The following TOP3A variants were observed in gnomAD, a reference collection of about 807,000 sequenced individuals.
TOP3A encodes DNA topoisomerase 3-alpha.
TOP3A carries 64 observed loss-of-function variants against 111.3 expected under a neutral mutation model. The ratio of observed to expected loss-of-function variants is 0.57; its 90% CI spans 0.47 to 0.71. The LOEUF (loss-of-function observed/expected upper bound fraction) is 0.71, where lower values mean the gene tolerates loss of function less well. Among genes scored for constraint, TOP3A ranks in the 30% least tolerant of loss-of-function variants. The pLI, the probability that TOP3A is intolerant of heterozygous loss-of-function variation, is 0.00. For missense variants in TOP3A, 1,104 were observed against 1,285.0 expected (o/e 0.86, Z 2.15); for synonymous variants, 484 against 485.1 (o/e 1.00, Z 0.03).
intron 4 of TOP3A, 123 bp downstream of exon 4, chr17:18,306,768 A>T (rs1981602822): frequency 8.5e-6 from 6 of 703,454 alleles, no homozygotes; most frequent in Non-Finnish European, 1.4e-5. Context: ...CAGCTTTTTA[A>T]ATCATGGTAG....
chr17:18,277,993 T>G lies in TOP3A; in HGVS notation c.2509A>C (p.Lys837Gln), dbSNP rs1320375028. The change falls in exon 18 of 19, where the codon AAG (lysine) becomes CAG (glutamine). Residue 837 changes from lysine to glutamine, a missense_variant. Lys to Gln is a moderately conservative substitution (Grantham distance 53). Coordinates refer to ENST00000321105, the MANE Select transcript of TOP3A (RefSeq NM_004618.5). ...AAGTTGCAGCTACCTCCGTTGCACT[T>G]AAAGAACTGCCGGCCCCGGTTGGGG... ...EGPNRGRQFF[K>Q]CNGGSCNFFL... 1.2e-6 allele frequency: 2 copies of G among 1,614,080 alleles called. No homozygotes were observed. The highest frequency in any genetic ancestry group is 2.7e-5 in the African/African-American group (2 of 75,054).
intron 5 of TOP3A, 77 bp downstream of exon 5, chr17:18,305,035 A>G (rs551832923): frequency 1.7e-6 from 2 of 1,197,338 alleles, no homozygotes; most frequent in East Asian, 2.3e-5. Flanking sequence ...TCCGTGGCCC[A>G]TGTGCACATA....
intron 11 of TOP3A, among the ~76,000 whole-genome samples, chr17:18,292,249 G>A (rs1458362791): frequency 2.0e-5 from 3 of 152,152 alleles, no homozygotes; most frequent in Non-Finnish European, 4.4e-5. Context: ...CAGTGACAGG[G>A]GGTGGCACGA....
intron 17 of TOP3A, 140 bp from the exon 18 acceptor site, chr17:18,278,497 C>T: frequency 1.5e-6 from 1 of 674,282 alleles, no homozygotes; most frequent in South Asian, 2.9e-5. Flanking sequence ...CCCTGTGAGG[C>T]CCTCTATCAG....
intron 9 of TOP3A, among the ~76,000 whole-genome samples, chr17:18,299,072 T>A (rs1981055334): frequency 6.8e-6 from 1 of 147,812 alleles, no homozygotes; most frequent in Non-Finnish European, 1.5e-5. Context: ...AAAATAAAAT[T>A]AAAATTAAAA....
intron 9 of TOP3A, among the ~76,000 whole-genome samples, chr17:18,296,401 G>A (rs1980806904): frequency 6.6e-6 from 1 of 152,070 alleles, no homozygotes; most frequent in Admixed American, 6.6e-5. Flanking sequence ...CCAACATGGT[G>A]AAACCCCATC....
rs565570871 is a variant in TOP3A at position 18,299,491 on chromosome 17, C to T, written c.990+68G>A. The T allele has an allele frequency of 2.0e-5, 28 of 1,425,232 alleles. 1 individual carries two copies. The Middle Eastern group carries it at 7.0e-4, about 36-fold the overall frequency. The allele number at this position is 1,425,232 out of a possible 1,614,324, so 88.3% of individuals were successfully genotyped here. On this transcript the variant is annotated intron_variant, in intron 9 of 18. Transcript: ENST00000321105. Reference sequence around the variant, plus strand: ...TTCTTCCACCAAGCCACAGTCTAGGCGGTAGAACCACAGCCTCAAAACAGT... The same window carrying T: ...TTCTTCCACCAAGCCACAGTCTAGGTGGTAGAACCACAGCCTCAAAACAGT...
chr17:18,307,112 G>A, intron 3 of TOP3A, 146 bp from the exon 4 acceptor site: 1 of 590,522 alleles, frequency 1.7e-6, no homozygotes. Flanking sequence ...ATGACCCTCT[G>A]CATGACACAC....
chr17:18,302,047 T>C, intron 7 of TOP3A, 62 bp from the exon 8 acceptor site: 3 of 1,523,412 alleles, frequency 2.0e-6, no homozygotes, highest in Non-Finnish European at 2.7e-6. Context: ...ATATGACAGA[T>C]AGAAAAAGGT....
chr17:18,310,499 T>G (rs920830836), intron 1 of TOP3A, among the ~76,000 whole-genome samples: 1 of 152,114 alleles, frequency 6.6e-6, no homozygotes, highest in Non-Finnish European at 1.5e-5. Flanking sequence ...CAAGATTATG[T>G]TAAGTGAAAG....
Position 18,274,781 on chromosome 17 carries a change from G to A in TOP3A, c.*21C>T, listed in dbSNP as rs746436808. On this transcript the variant is annotated 3_prime_UTR_variant, in exon 19 of 19. Transcript: ENST00000321105. ...AAGGGGACAGGTCTGAGAAAGTGGC[G>A]TTCTCTACCCTACCCTGAGCTCATC... 3.4e-5 allele frequency: 55 copies of A among 1,601,348 alleles called. No individual in the cohort carries two copies. The East Asian group carries it at 5.2e-4, about 15-fold the overall frequency.
chr17:18,311,202 G>C (rs531330323), intron 1 of TOP3A, among the ~76,000 whole-genome samples: 1 of 151,796 alleles, frequency 6.6e-6, no homozygotes, highest in Non-Finnish European at 1.5e-5. Flanking sequence ...GGGTTTCACC[G>C]TGTTAGCCAG....
At chr17:18,307,674 T>C (rs1456198800) in intron 3 of TOP3A, 6 of 151,926 alleles carry the variant, frequency 3.9e-5, no homozygotes, top group African/African-American at 1.4e-4. Context: ...CCTAGCACTT[T>C]GGGAGGCAAA....
chr17:18,308,503 G>T, intron 2 of TOP3A, 79 bp from the exon 3 acceptor site: 1 of 970,528 alleles, frequency 1.0e-6, no homozygotes, highest in African/African-American at 1.7e-5. Context: ...TGAGAGGGAG[G>T]AGCTTCTATT....
At position 18,290,523 on chromosome 17, in the gene TOP3A, CAA is replaced by C. The variant is rs778514298; in HGVS notation, c.1597+32_1597+33del. On this transcript the variant is annotated intron_variant, in intron 13 of 18. Coordinates refer to ENST00000321105, the MANE Select transcript of TOP3A (RefSeq NM_004618.5). ...ACCTGGTACACTGTAAGCCTTAGCT[CAA>C]GAGATGCGAGTTACCCAGAGGAGCC... The C allele has an allele frequency of 2.6e-6, 4 of 1,529,554 alleles. No homozygotes were observed. In the South Asian group the frequency reaches 5.2e-5, roughly 20 times the overall value. The allele number at this position is 1,529,554 out of a possible 1,614,324, so 94.7% of individuals were successfully genotyped here.
In TOP3A at chr17:18,290,545, G is replaced by A. The variant is rs1460522557; in HGVS notation, c.1597+12C>T. On this transcript the variant is annotated intron_variant, in intron 13 of 18. Coordinates refer to ENST00000321105, the MANE Select transcript of TOP3A (RefSeq NM_004618.5). ...GCTCAAGAGATGCGAGTTACCCAGA[G>A]GAGCCACTGACCAATGCCATGCTTC... is the stretch of plus-strand genomic sequence containing the variant. 1.9e-6 allele frequency: 3 copies of A among 1,560,556 alleles called. No homozygotes were observed. Among genetic ancestry groups the A allele is most frequent in the East Asian group, 2.3e-5 (1 of 44,276 alleles).
rs749373321 is a variant in TOP3A at position 18,290,901 on chromosome 17, G to A, written c.1408C>T (p.Leu470Phe). 1.2e-6 allele frequency: 2 copies of A among 1,614,214 alleles called. No individual in the cohort carries two copies. Among genetic ancestry groups the A allele is most frequent in the Admixed American group, 1.7e-5 (1 of 60,028 alleles). Reference sequence around the variant, plus strand: ...AGATAGTTTCGGGCCAGAATCATGAGGCCATGGGCCACAAAGCGTTCCTGA... The same window carrying A: ...AGATAGTTTCGGGCCAGAATCATGAAGCCATGGGCCACAAAGCGTTCCTGA... ...IAQERFVAHG[L>F]MILARNYLDV... Residue 470 changes from leucine (L) to phenylalanine (F), a missense_variant, in exon 12 of 19, where the codon CTC (leucine) becomes TTC (phenylalanine). Transcript: ENST00000321105.
At chr17:18,303,658 A>G in intron 5 of TOP3A, among the ~76,000 whole-genome samples, 1 of 152,068 alleles carries the variant, frequency 6.6e-6, no homozygotes, top group East Asian at 1.9e-4. Context: ...CCTTCCCTTA[A>G]ACTTATTTAT....
At chr17:18,298,097 C>T (rs982189878) in intron 9 of TOP3A, among the ~76,000 whole-genome samples, 1 of 151,044 alleles carries the variant, frequency 6.6e-6, no homozygotes, top group African/African-American at 2.4e-5. Flanking sequence ...ATGTGAGGAG[C>T]GTCTCTGCCC....
Sources: allele counts gnomAD v4.1 joint callset (sites outside exome capture counted in the v4.1 genomes callset), GRCh38; gene constraint gnomAD v4.1.1; transcripts MANE v1.5; gene names NCBI Gene and HGNC (gene_info 2026-07-23, HGNC 2026-07-21).